UTRN: variants seen among roughly 807,000 people sequenced by gnomAD.
UTRN encodes the protein dystrophin-related protein 1.
A neutral mutation model predicts 463.9 loss-of-function variants in UTRN; 283 were observed. The observed-to-expected ratio is 0.61, with a 90% confidence interval of 0.55 to 0.67. The LOEUF (loss-of-function observed/expected upper bound fraction) is 0.67, where lower values mean the gene tolerates loss of function less well. Among genes scored for constraint, UTRN ranks in the 30% least tolerant of loss-of-function variants. The pLI is 0.00. For missense variants in UTRN, 3,922 were observed against 4,084.3 expected (o/e 0.96, Z 1.08); for synonymous variants, 1,442 against 1,431.5 (o/e 1.01, Z -0.17).
At chr6:144,316,549 G>A (rs568556964) in intron 2 of UTRN, among the ~76,000 whole-genome samples, 1 of 152,260 alleles carries the variant, frequency 6.6e-6, no homozygotes, top group South Asian at 2.1e-4. Context: ...GGAAGTATCT[G>A]GATATACATT....
chr6:144,834,262 A>G (rs1780917812), intron 69 of UTRN, among the ~76,000 whole-genome samples: 1 of 152,202 alleles, frequency 6.6e-6, no homozygotes, highest in Admixed American at 6.5e-5. Flanking sequence ...ACCAAAGTAT[A>G]TGACCTTTAT....
intron 2 of UTRN, among the ~76,000 whole-genome samples, chr6:144,336,952 CCT>C (rs1192044862): frequency 6.6e-6 from 1 of 152,018 alleles, no homozygotes; most frequent in African/African-American, 2.4e-5. Flanking sequence ...CAGATTGGAC[CCT>C]GTTTCTACCA....
At chr6:144,454,594 A>G (rs1017455885) in intron 19 of UTRN, among the ~76,000 whole-genome samples, 1 of 152,150 alleles carries the variant, frequency 6.6e-6, no homozygotes, top group Non-Finnish European at 1.5e-5. Flanking sequence ...TAGGAATATT[A>G]GTTTGACAAG....
chr6:144,330,661 A>G (rs1196948915), intron 2 of UTRN, among the ~76,000 whole-genome samples: 2 of 152,172 alleles, frequency 1.3e-5, no homozygotes, highest in African/African-American at 4.8e-5. Flanking sequence ...GTTCCTAGGC[A>G]GATAAGTGTT....
intron 6 of UTRN, among the ~76,000 whole-genome samples, chr6:144,425,857 C>T (rs193182343): frequency 2.6e-4 from 39 of 152,254 alleles, no homozygotes; most frequent in South Asian, 4.1e-4. Flanking sequence ...AGAGTATAAT[C>T]GTGATTGCAG....
chr6:144,452,075 G>C (rs747975947), intron 18 of UTRN, among the ~76,000 whole-genome samples: 15 of 152,146 alleles, frequency 9.9e-5, no homozygotes, highest in Non-Finnish European at 1.8e-4. Context: ...CACCTGGGTA[G>C]AGAATCTATA....
chr6:144,550,922 T>C (rs909174155), intron 47 of UTRN, 43 bp from the exon 48 acceptor site: 7 of 1,508,020 alleles, frequency 4.6e-6, no homozygotes, highest in African/African-American at 1.4e-5. Context: ...ATTCTTCTCA[T>C]ATGGCTTATT....
At chr6:144,721,114 G>A (rs142793822) in intron 53 of UTRN, among the ~76,000 whole-genome samples, 1 of 152,100 alleles carries the variant, frequency 6.6e-6, no homozygotes, top group Non-Finnish European at 1.5e-5. Context: ...CTCTCCAGTT[G>A]TTATTTTTGA....
chr6:144,358,066 C>T (rs1440902256), intron 2 of UTRN, among the ~76,000 whole-genome samples: 1 of 152,230 alleles, frequency 6.6e-6, no homozygotes, highest in Non-Finnish European at 1.5e-5. Flanking sequence ...CTTTAAATGT[C>T]TGTGCTCTTT....
intron 23 of UTRN, among the ~76,000 whole-genome samples, chr6:144,466,916 C>T (rs1790016834): frequency 6.6e-6 from 1 of 152,248 alleles, no homozygotes; most frequent in Non-Finnish European, 1.5e-5. Context: ...TTCAGGCTCT[C>T]ATGCAATCTC....
intron 51 of UTRN, among the ~76,000 whole-genome samples, chr6:144,616,861 C>A (rs996988918): frequency 1.3e-5 from 2 of 152,118 alleles, no homozygotes; most frequent in East Asian, 3.9e-4. Flanking sequence ...AGGTGGGCAT[C>A]AGTGCAGCCA....
intron 58 of UTRN, among the ~76,000 whole-genome samples, chr6:144,760,665 A>G (rs777049671): frequency 6.6e-6 from 1 of 152,202 alleles, no homozygotes; most frequent in Non-Finnish European, 1.5e-5. Context: ...CAAATTAATA[A>G]CCAAGCAAAT....
intron 62 of UTRN, among the ~76,000 whole-genome samples, chr6:144,791,590 A>C (rs1414387511): frequency 1.3e-4 from 20 of 151,540 alleles, no homozygotes; most frequent in Non-Finnish European, 1.0e-4. Context: ...AAAAGTACAC[A>C]TTTTCAAACC....
intron 66 of UTRN, among the ~76,000 whole-genome samples, chr6:144,825,694 G>A (rs1481061443): frequency 3.3e-5 from 5 of 151,880 alleles, no homozygotes; most frequent in African/African-American, 1.2e-4. Flanking sequence ...TGAAGTTCGT[G>A]GCATATGTTT....
intron 39 of UTRN, 109 bp from the exon 40 acceptor site, chr6:144,521,871 G>A (rs982568562): frequency 4.4e-6 from 3 of 684,738 alleles, no homozygotes; most frequent in Non-Finnish European, 2.0e-6. Context: ...TAAAAATTTG[G>A]TTCATGATAT....
intron 58 of UTRN, 60 bp from the exon 59 acceptor site, chr6:144,771,847 G>A (rs971157669): frequency 1.5e-6 from 2 of 1,370,574 alleles, no homozygotes; most frequent in Admixed American, 4.5e-5. Context: ...TTTCGTTTTT[G>A]GCCTATATGA....
At chr6:144,840,384 T>A (rs1781463485) in intron 72 of UTRN, among the ~76,000 whole-genome samples, 1 of 151,040 alleles carries the variant, frequency 6.6e-6, no homozygotes, top group Non-Finnish European at 1.5e-5. Flanking sequence ...ATTGGTGAAA[T>A]TTTTTTTGTA....
chr6:144,753,344 G>A (rs1791604298), intron 56 of UTRN, among the ~76,000 whole-genome samples: 1 of 152,200 alleles, frequency 6.6e-6, no homozygotes, highest in Non-Finnish European at 1.5e-5. Context: ...GCTAGGCATG[G>A]GGGCTCTTGC....
At chr6:144,676,523 G>GTT (rs199908485) in intron 51 of UTRN, among the ~76,000 whole-genome samples, 13 of 150,336 alleles carry the variant, frequency 8.6e-5, no homozygotes, top group South Asian at 2.1e-4. Context: ...CACGTTAAAA[G>GTT]TTTGTTTTTT....
Sources: allele counts gnomAD v4.1 joint callset (sites outside exome capture counted in the v4.1 genomes callset), GRCh38; gene constraint gnomAD v4.1.1; transcripts MANE v1.5; gene names NCBI Gene and HGNC (gene_info 2026-07-23, HGNC 2026-07-21).